ZNF585A: variants seen among roughly 807,000 people sequenced by gnomAD.
ZNF585A encodes the protein zinc finger protein 585A.
A neutral mutation model predicts 14.9 loss-of-function variants in ZNF585A; 9 were observed. The observed-to-expected ratio is 0.60, with a 90% CI of 0.36 to 1.05. The LOEUF is 1.05. Among genes scored for constraint, ZNF585A ranks in the 50% least tolerant of loss-of-function variants. The probability of loss-of-function intolerance (pLI) is 0.01; values close to 1 mark genes in which losing one functional copy is unlikely to be tolerated. For missense variants in ZNF585A, 726 were observed against 926.4 expected (o/e 0.78, Z 2.81); for synonymous variants, 276 against 319.9 (o/e 0.86, Z 1.46).
rs1811607529 is a variant in ZNF585A, at chr19:37,145,742, CACAGAGGGTGGAAA to C, written c.*5833_*5846del. 1 of 152,100 alleles carries C rather than the reference CACAGAGGGTGGAAA, an allele frequency of 6.6e-6. No homozygotes were observed. The highest frequency in any genetic ancestry group is 2.4e-5 in the African/African-American group (1 of 41,410). The allele number at this position is 152,100 out of a possible 1,614,324, so 9.4% of individuals were successfully genotyped here. A position where few individuals can be genotyped will look rare whatever the true frequency, so the allele number is the denominator to read the frequency against. On this transcript the variant is annotated 3_prime_UTR_variant, in exon 5 of 5. Coordinates refer to ENST00000292841, the MANE Select transcript of ZNF585A (RefSeq NM_001288800.2). ...GGATGTAACCTAATTGTGCTGATTT[CACAGAGGGTGGAAA>C]ACATCAGCCCAGGGGTGGGACTACT...
intron 4 of ZNF585A, 73 bp downstream of exon 4, chr19:37,155,790 GGT>G: frequency 6.7e-7 from 1 of 1,495,422 alleles, no homozygotes; most frequent in Non-Finnish European, 9.3e-7. Flanking sequence ...GTATTCCAAG[GGT>G]GTTGGTGTTT....
At chr19:37,160,326 A>G (rs2145407618) in intron 2 of ZNF585A, among the ~76,000 whole-genome samples, 1 of 150,232 alleles carries the variant, frequency 6.7e-6, no homozygotes, top group South Asian at 2.1e-4. Context: ...TGGGCAACAG[A>G]GCCAGAACCT....
At chr19:37,160,431 G>A (rs928382406) in intron 2 of ZNF585A, among the ~76,000 whole-genome samples, 1 of 150,464 alleles carries the variant, frequency 6.6e-6, no homozygotes, top group Admixed American at 6.6e-5. Context: ...CAAGCAGAAG[G>A]AACTAAATAA....
In ZNF585A at chr19:37,150,952, G is replaced by A. The variant is rs1295611348; in HGVS notation, c.*637C>T. 1.9e-5 allele frequency: 3 copies of A among 157,368 alleles called. No homozygotes were observed. Among genetic ancestry groups the A allele is most frequent in the Non-Finnish European group, 2.9e-5 (2 of 69,902 alleles). The allele number at this position is 157,368 out of a possible 1,614,324, so 9.7% of individuals were successfully genotyped here. The stretch of plus-strand genomic sequence containing the variant: ...AGTCATGGTAGATAATGAGGGGGGT[G>A]CAAGTCTTGGTAGATGACAGTGGGG... On this transcript the variant is annotated 3_prime_UTR_variant, in exon 5 of 5. Transcript: ENST00000292841.
At chr19:37,166,907 C>T (rs1178997985) in intron 2 of ZNF585A, among the ~76,000 whole-genome samples, 1 of 152,146 alleles carries the variant, frequency 6.6e-6, no homozygotes, top group African/African-American at 2.4e-5. Context: ...GATCTTAGCT[C>T]ACTGCAACCT....
At chr19:37,165,599 C>A (rs1972079997) in intron 2 of ZNF585A, 2 of 977,812 alleles carry the variant, frequency 2.0e-6, no homozygotes, top group Non-Finnish European at 2.4e-6. Flanking sequence ...ACCTACTAGG[C>A]TATTGTTTTC....
intron 4 of ZNF585A, among the ~76,000 whole-genome samples, chr19:37,155,094 G>A (rs548284030): frequency 1.0e-3 from 152 of 148,174 alleles, no homozygotes; most frequent in African/African-American, 2.2e-3. Flanking sequence ...TCTGCCTCCC[G>A]GGTTCATGCC....
In ZNF585A at chr19:37,147,938, T is replaced by C. The variant is rs943948935; in HGVS notation, c.*3651A>G. On this transcript the variant is annotated 3_prime_UTR_variant, in exon 5 of 5. Transcript: ENST00000292841. Reference sequence around the variant, plus strand: ...TCACTCATCCACTGATGTACATTTGTGTTACTTCCTAATTTGGGCAATTAT... The same window carrying C: ...TCACTCATCCACTGATGTACATTTGCGTTACTTCCTAATTTGGGCAATTAT... 2 of 152,246 alleles carry C rather than the reference T, an allele frequency of 1.3e-5. No individual in the cohort carries two copies. Among genetic ancestry groups the C allele is most frequent in the African/African-American group, 4.8e-5 (2 of 41,466 alleles). 9.4% of individuals were successfully genotyped at this position (152,246 alleles called of 1,614,324 possible).
At chr19:37,162,479 T>C (rs533584509) in intron 2 of ZNF585A, among the ~76,000 whole-genome samples, 1 of 152,194 alleles carries the variant, frequency 6.6e-6, no homozygotes, top group Non-Finnish European at 1.5e-5. Flanking sequence ...ACTGGATATA[T>C]ACCCAAAGGA....
chr19:37,166,057 A>T (rs1348052591), intron 2 of ZNF585A, among the ~76,000 whole-genome samples: 1 of 152,092 alleles, frequency 6.6e-6, no homozygotes, highest in African/African-American at 2.4e-5. Context: ...TCCGTCGCCC[A>T]GGCTGGAATG....
In ZNF585A at chr19:37,152,874, A is replaced by G; in HGVS notation, c.1025T>C (p.Val342Ala). Residue 342 changes from valine (V) to alanine (A), a missense_variant, in exon 5 of 5, where the codon GTT becomes GCT. Transcript: ENST00000292841. The stretch of plus-strand genomic sequence containing the variant: ...TCTACTTTGAACTTTCTTATGTGTA[A>G]CGAGGTTGGAATTATTGCTGAAGAC... ...GKVFSNNSNL[V>A]THKKVQSREK... 1 of 1,614,222 alleles carries G rather than the reference A, an allele frequency of 6.2e-7. No homozygotes were observed. Among genetic ancestry groups the G allele is most frequent in the Non-Finnish European group, 8.5e-7 (1 of 1,180,044 alleles).
At chr19:37,161,448 C>T (rs1206417129) in intron 2 of ZNF585A, among the ~76,000 whole-genome samples, 2 of 152,184 alleles carry the variant, frequency 1.3e-5, no homozygotes, top group East Asian at 3.8e-4. Flanking sequence ...ACTGGAAGAT[C>T]AGAGACTCAT....
At chr19:37,166,229 G>A (rs1314993760) in intron 2 of ZNF585A, among the ~76,000 whole-genome samples, 1 of 151,702 alleles carries the variant, frequency 6.6e-6, no homozygotes, top group African/African-American at 2.4e-5. Context: ...GACTAGACTG[G>A]TCTTGAACTC....
rs1460365672 is a variant in ZNF585A, at chr19:37,151,787, C to T, written c.2112G>A (p.Gln704=). Residue 704 remains glutamine (Q), a synonymous_variant, in exon 5 of 5, where the codon CAG becomes CAA. Transcript: ENST00000292841. ...TGTGAATTCGCTGATGCACTTGGAG[C>T]TGTGATTTTTTAGTGAAAGACTTCC... ...DCGKSFTKKS[Q]LQVHQRIHTG... is the part of the protein sequence containing the mutation. The T allele has an allele frequency of 1.9e-6, 3 of 1,613,164 alleles. No individual in the cohort carries two copies. The highest frequency in any genetic ancestry group is 1.3e-5 in the African/African-American group (1 of 74,708).
chr19:37,156,644 T>C (rs1971935854), intron 2 of ZNF585A, among the ~76,000 whole-genome samples: 1 of 152,174 alleles, frequency 6.6e-6, no homozygotes, highest in Admixed American at 6.5e-5. Context: ...TGCTTCTTTG[T>C]ACATTTCAAA....
chr19:37,161,934 T>C (rs1039376107), intron 2 of ZNF585A, among the ~76,000 whole-genome samples: 5 of 152,242 alleles, frequency 3.3e-5, no homozygotes, highest in African/African-American at 7.2e-5. Context: ...TTCTTTTTTT[T>C]GTTTTTTGAG....
rs1436183810 is a variant in ZNF585A at position 37,146,938 on chromosome 19, CTTCCCCACACAT to C, written c.*4639_*4650del. The stretch of plus-strand genomic sequence containing the variant: ...AGAGGACCCAAACCCACCCCACCAA[CTTCCCCACACAT>C]GTTACCAATCTGTGCGGGGCATCTG... On this transcript the variant is annotated 3_prime_UTR_variant, in exon 5 of 5. Coordinates refer to ENST00000292841, the MANE Select transcript of ZNF585A (RefSeq NM_001288800.2). 9.3e-6 allele frequency: 1 copy of C among 107,552 alleles called. No individual in the cohort carries two copies. The highest frequency in any genetic ancestry group is 4.3e-5 in the African/African-American group (1 of 23,334). The allele number at this position is 107,552 out of a possible 1,614,324, so 6.7% of individuals were successfully genotyped here. A position where few individuals can be genotyped will look rare whatever the true frequency, so the allele number is the denominator to read the frequency against.
chr19:37,169,846 G>T lies in ZNF585A; in HGVS notation c.65C>A (p.Ser22Tyr). Residue 22 changes from serine to tyrosine, a missense_variant, in exon 2 of 5, where the codon TCC becomes TAC. Around this residue, in one of 2 missense-constraint regions of ZNF585A, gnomAD observed 483 missense variants for 542.8 expected, o/e 0.89. Coordinates refer to ENST00000292841, the MANE Select transcript of ZNF585A (RefSeq NM_001288800.2). The stretch of plus-strand genomic sequence containing the variant: ...GGGACTCCTCCTTCTCACCTCATAG[G>T]AGCTGCCATGATCCTCTGGAGCCAG... ...SALAPEDHGS[S>Y]YEGSVSFRDV... The T allele has an allele frequency of 6.2e-7, 1 of 1,612,572 alleles. No individual in the cohort carries two copies.
At chr19:37,167,768 G>A (rs934676714) in intron 2 of ZNF585A, among the ~76,000 whole-genome samples, 5 of 151,796 alleles carry the variant, frequency 3.3e-5, no homozygotes, top group Admixed American at 6.6e-5. Context: ...TTACTGGTGC[G>A]TGGCACCACG....
Sources: allele counts gnomAD v4.1 joint callset (sites outside exome capture counted in the v4.1 genomes callset), GRCh38; gene constraint gnomAD v4.1.1; regional missense constraint gnomAD v4.1.1; transcripts MANE v1.5; gene names NCBI Gene and HGNC (gene_info 2026-07-23, HGNC 2026-07-21).